Variants in DLG2 observed in about 807,000 individuals in gnomAD.
The protein encoded by DLG2 is discs large MAGUK scaffold protein 2, also known as disks large homolog 2.
Under a neutral mutation model 132.5 loss-of-function variants are expected in DLG2, and 45 were observed. That is an observed-to-expected ratio of 0.34 (90% confidence interval 0.27 to 0.44). The LOEUF (loss-of-function observed/expected upper bound fraction) is 0.44. Among genes scored for constraint, DLG2 ranks in the 20% least tolerant of loss-of-function variants. The pLI is 1.00. For synonymous variants in DLG2, 424 were observed against 419.6 expected (o/e 1.01, Z -0.13); for missense variants, 1,045 against 1,196.9 (o/e 0.87, Z 1.87).
At chr11:84,311,299 T>C (rs1212353814) in intron 7 of DLG2, among the ~76,000 whole-genome samples, 1 of 152,236 alleles carries the variant, frequency 6.6e-6, no homozygotes, top group African/African-American at 2.4e-5. Context: ...ATACTTTAGA[T>C]ATCATTAACA....
intron 3 of DLG2, among the ~76,000 whole-genome samples, chr11:85,287,939 T>C (rs2078663621): frequency 6.6e-6 from 1 of 152,068 alleles, no homozygotes; most frequent in African/African-American, 2.4e-5. Flanking sequence ...TTTTTAAGCA[T>C]CCATACATAT....
At chr11:84,052,535 G>C (rs1594147159) in intron 11 of DLG2, among the ~76,000 whole-genome samples, 1 of 151,646 alleles carries the variant, frequency 6.6e-6, no homozygotes, top group African/African-American at 2.4e-5. Flanking sequence ...AGTGGGCAAA[G>C]GACATGAACA....
chr11:84,148,046 G>A (rs2095151771), intron 9 of DLG2, among the ~76,000 whole-genome samples: 1 of 152,104 alleles, frequency 6.6e-6, no homozygotes, highest in African/African-American at 2.4e-5. Context: ...AACGGGTTAA[G>A]TAATGAACGG....
rs533845448 is a variant in DLG2 at position 84,528,018 on chromosome 11, G to A, written c.519+6552C>T. 3.7e-4 allele frequency among the ~76,000 whole-genome samples: 56 copies of A among 149,790 alleles called. No individual in the cohort carries two copies. The South Asian group carries it at 4.9e-3, about 13-fold the overall frequency. ...TTTGAGGAGTTCAAATTTCAGTTTCGGAATAATAATAAGTAACAAATAATT... is the reference window on the plus strand; with the variant it reads ...TTTGAGGAGTTCAAATTTCAGTTTCAGAATAATAATAAGTAACAAATAATT... On this transcript the variant is annotated intron_variant, in intron 7 of 27. Coordinates refer to ENST00000376104, the MANE Select transcript of DLG2 (RefSeq NM_001142699.3).
At chr11:85,298,939 T>C (rs936022147) in intron 3 of DLG2, among the ~76,000 whole-genome samples, 1 of 152,146 alleles carries the variant, frequency 6.6e-6, no homozygotes, top group Non-Finnish European at 1.5e-5. Context: ...AAAAAAAATT[T>C]AATGCCCTAA....
intron 15 of DLG2, among the ~76,000 whole-genome samples, chr11:83,927,245 C>A (rs1236165801): frequency 6.6e-6 from 1 of 152,052 alleles, no homozygotes; most frequent in Non-Finnish European, 1.5e-5. Context: ...TATAGCAGTG[C>A]CCAAAAATAC....
At chr11:85,405,929 A>T (rs967906145) in intron 3 of DLG2, among the ~76,000 whole-genome samples, 3 of 151,996 alleles carry the variant, frequency 2.0e-5, no homozygotes, top group African/African-American at 4.8e-5. Flanking sequence ...TTATCAAGAG[A>T]TATTACCATA....
At chr11:83,494,196 A>G (rs2094023503) in intron 21 of DLG2, among the ~76,000 whole-genome samples, 1 of 151,884 alleles carries the variant, frequency 6.6e-6, no homozygotes, top group South Asian at 2.1e-4. Context: ...AGCAAATAAA[A>G]CTGCTATCTG....
intron 15 of DLG2, among the ~76,000 whole-genome samples, chr11:83,879,318 T>C (rs2065552342): frequency 6.6e-6 from 1 of 152,172 alleles, no homozygotes; most frequent in African/African-American, 2.4e-5. Flanking sequence ...AACAATAAAG[T>C]TACTTAATGT....
intron 18 of DLG2, among the ~76,000 whole-genome samples, chr11:83,675,370 TC>T (rs1418732111): frequency 6.6e-6 from 1 of 152,224 alleles, no homozygotes; most frequent in African/African-American, 2.4e-5. Flanking sequence ...AAAAATATAT[TC>T]TTATTTGTCT....
At chr11:84,256,129 CT>C (rs5793117) in intron 7 of DLG2, among the ~76,000 whole-genome samples, 11 of 149,750 alleles carry the variant, frequency 7.3e-5, no homozygotes, top group Admixed American at 2.0e-4. Flanking sequence ...AATAGATACA[CT>C]TTTTTTTTTG....
chr11:84,996,801 G>T (rs911414097), intron 6 of DLG2, among the ~76,000 whole-genome samples: 1 of 152,170 alleles, frequency 6.6e-6, no homozygotes, highest in Non-Finnish European at 1.5e-5. Context: ...TCCAAAAAAT[G>T]AGATTACCAG....
At chr11:84,474,691 ACTG>A in intron 7 of DLG2, among the ~76,000 whole-genome samples, 1 of 152,198 alleles carries the variant, frequency 6.6e-6, no homozygotes, top group East Asian at 1.9e-4. Flanking sequence ...AGTTGCTGTT[ACTG>A]CTGCTACTAC....
Position 84,703,452 on chromosome 11 carries a change from A to C in DLG2, c.358-168721T>G, listed in dbSNP as rs145634671. Reference sequence around the variant, plus strand: ...CCAAGATAAGCAGTGGGTGCTGAAAAAAAGTGATTCAACAAATGAAGAAAA... The same window carrying C: ...CCAAGATAAGCAGTGGGTGCTGAAACAAAGTGATTCAACAAATGAAGAAAA... On this transcript the variant is annotated intron_variant, in intron 6 of 27. Coordinates refer to ENST00000376104, the MANE Select transcript of DLG2 (RefSeq NM_001142699.3). Among the ~76,000 whole-genome samples the C allele has an allele frequency of 1.7e-3, 265 of 151,692 alleles. 1 individual carries two copies. The highest frequency in any genetic ancestry group is 5.9e-3 in the African/African-American group (245 of 41,470).
rs182900989 is a variant in DLG2 at position 83,851,116 on chromosome 11, G to A, written c.1566-17346C>T. 1.9e-3 allele frequency among the ~76,000 whole-genome samples: 284 copies of A among 151,234 alleles called. 1 individual carries two copies. The highest frequency in any genetic ancestry group is 3.7e-3 in the Admixed American group (56 of 15,212). On this transcript the variant is annotated intron_variant, in intron 16 of 27. Transcript: ENST00000376104. ...GGTGTGAACCTGGGAGGTGGAGCTTGCAGTGAGCTGAGACCGCGGCACTGT... is the reference window on the plus strand; with the variant it reads ...GGTGTGAACCTGGGAGGTGGAGCTTACAGTGAGCTGAGACCGCGGCACTGT...
chr11:83,632,867 A>C (rs577186255), intron 19 of DLG2: 1 of 231,792 alleles, frequency 4.3e-6, no homozygotes, highest in African/African-American at 2.3e-5. Flanking sequence ...TTTCACACTG[A>C]TGGTAAGTAA....
intron 7 of DLG2, among the ~76,000 whole-genome samples, chr11:84,271,557 G>A (rs2097722701): frequency 6.6e-6 from 1 of 152,126 alleles, no homozygotes; most frequent in Non-Finnish European, 1.5e-5. Context: ...AATGAAAACT[G>A]TCAAGCATTA....
intron 9 of DLG2, among the ~76,000 whole-genome samples, chr11:84,139,416 A>G (rs912891168): frequency 6.6e-6 from 1 of 152,148 alleles, no homozygotes; most frequent in Non-Finnish European, 1.5e-5. Context: ...AGGTAGATGA[A>G]TCTTCAGAAG....
intron 4 of DLG2, among the ~76,000 whole-genome samples, chr11:85,224,964 T>C (rs2074885797): frequency 6.6e-6 from 1 of 152,186 alleles, no homozygotes. Flanking sequence ...ACAAATAACA[T>C]GTGGTACTTT....
Sources: gnomAD v4.1 joint callset for allele counts (sites outside exome capture counted in the v4.1 genomes callset) on GRCh38, gnomAD v4.1.1 for gene constraint, MANE v1.5 for transcripts, NCBI Gene and HGNC (gene_info 2026-07-23, HGNC 2026-07-21) for gene names.